The following KCNC2 variants were observed in gnomAD, a reference collection of about 807,000 sequenced individuals.
KCNC2 encodes potassium voltage-gated channel subfamily C member 2.
KCNC2 carries 21 observed loss-of-function variants against 44.5 expected under a neutral mutation model. The ratio of observed to expected loss-of-function variants is 0.47; its 90% CI spans 0.33 to 0.68. KCNC2 has a LOEUF of 0.68. KCNC2 is among the 30% of genes least tolerant of loss of function. The probability of loss-of-function intolerance (pLI) is 0.01; values close to 1 mark genes in which losing one functional copy is unlikely to be tolerated. For synonymous variants in KCNC2, 391 were observed against 339.1 expected (o/e 1.15, Z -1.68); for missense variants, 589 against 826.2 (o/e 0.71, Z 3.52).
At chr12:75,193,647 G>A (rs1051727095) in intron 2 of KCNC2, among the ~76,000 whole-genome samples, 1 of 152,016 alleles carries the variant, frequency 6.6e-6, no homozygotes, top group African/African-American at 2.4e-5. Context: ...AAAGTGCATG[G>A]AGAAAAAGAA....
intron 2 of KCNC2, among the ~76,000 whole-genome samples, chr12:75,115,665 A>G (rs947985468): frequency 2.0e-5 from 3 of 152,176 alleles, no homozygotes; most frequent in African/African-American, 7.2e-5. Flanking sequence ...GGTCACGTCA[A>G]TGCATCTTCT....
chr12:75,093,584 A>T (rs1405036964), intron 2 of KCNC2, among the ~76,000 whole-genome samples: 1 of 151,704 alleles, frequency 6.6e-6, no homozygotes, highest in Non-Finnish European at 1.5e-5. Flanking sequence ...ACATATTAAA[A>T]TTGAAGTACC....
chr12:75,098,121 T>G (rs1362671401), intron 2 of KCNC2, among the ~76,000 whole-genome samples: 5 of 152,148 alleles, frequency 3.3e-5, no homozygotes, highest in Non-Finnish European at 1.5e-5. Context: ...AATCTCTTCC[T>G]AAGTAGATGC....
rs2136903783 is a variant in KCNC2, at chr12:75,041,662, T to C, written c.*1443A>G. On this transcript the variant is annotated 3_prime_UTR_variant, in exon 5 of 5. Transcript: ENST00000549446. ...TGAATATGACTCCCTAAGGATTTTG[T>C]TGGAGTGTAGTAATGAATGCTGGTT... 1 of 1,008,676 alleles carries C rather than the reference T, an allele frequency of 9.9e-7. No individual in the cohort carries two copies. Among genetic ancestry groups the C allele is most frequent in the Middle Eastern group, 5.0e-4 (1 of 1,986 alleles). The allele number at this position is 1,008,676 out of a possible 1,614,324, so 62.5% of individuals were successfully genotyped here.
chr12:75,140,889 C>CA (rs939594738), intron 2 of KCNC2, among the ~76,000 whole-genome samples: 2 of 150,580 alleles, frequency 1.3e-5, no homozygotes, highest in East Asian at 1.9e-4. Flanking sequence ...AAAAAAAAAA[C>CA]AAAAAACAAA....
chr12:75,133,269 T>C (rs1221589549), intron 2 of KCNC2, among the ~76,000 whole-genome samples: 1 of 151,938 alleles, frequency 6.6e-6, no homozygotes, highest in Non-Finnish European at 1.5e-5. Context: ...TATTTCAAAA[T>C]AGCTAAAAGA....
At chr12:75,195,315 G>A (rs2030667493) in intron 2 of KCNC2, among the ~76,000 whole-genome samples, 1 of 151,944 alleles carries the variant, frequency 6.6e-6, no homozygotes, top group African/African-American at 2.4e-5. Context: ...TAAAACCTAT[G>A]AAGTAGCCTT....
chr12:75,177,057 T>TATATATATATATATAC (rs1491339880), intron 2 of KCNC2, among the ~76,000 whole-genome samples: 118 of 127,254 alleles, frequency 9.3e-4, no homozygotes, highest in African/African-American at 3.3e-3. Flanking sequence ...TATATATATA[T>TATATATATATATATAC]ACACACACAC....
At chr12:75,090,826 C>A (rs898350227) in intron 2 of KCNC2, among the ~76,000 whole-genome samples, 2 of 151,582 alleles carry the variant, frequency 1.3e-5, no homozygotes, top group African/African-American at 2.4e-5. Flanking sequence ...CTCTAGCCTC[C>A]AAGTGTCTAA....
intron 2 of KCNC2, among the ~76,000 whole-genome samples, chr12:75,160,029 T>C (rs1300610940): frequency 6.6e-6 from 1 of 151,900 alleles, no homozygotes; most frequent in South Asian, 2.1e-4. Flanking sequence ...GTTACCACTA[T>C]AGGCTGAGTT....
intron 2 of KCNC2, among the ~76,000 whole-genome samples, chr12:75,146,518 T>A (rs1890039345): frequency 6.6e-6 from 1 of 152,218 alleles, no homozygotes; most frequent in Non-Finnish European, 1.5e-5. Context: ...GTTTAGTATA[T>A]GTGTAAACCA....
chr12:75,186,848 A>T (rs1354905868), intron 2 of KCNC2, among the ~76,000 whole-genome samples: 1 of 152,202 alleles, frequency 6.6e-6, no homozygotes, highest in Non-Finnish European at 1.5e-5. Flanking sequence ...AAGCTCAAAA[A>T]CATACAATGT....
intron 2 of KCNC2, among the ~76,000 whole-genome samples, chr12:75,192,417 C>G (rs749508414): frequency 1.3e-5 from 2 of 152,176 alleles, no homozygotes; most frequent in African/African-American, 4.8e-5. Context: ...TTAAAGTACA[C>G]TAATATGTAA....
chr12:75,101,195 G>A (rs1381813404), intron 2 of KCNC2, among the ~76,000 whole-genome samples: 3 of 151,988 alleles, frequency 2.0e-5, no homozygotes, highest in Non-Finnish European at 4.4e-5. Context: ...TTATAACCCA[G>A]GTTCCATATA....
intron 2 of KCNC2, among the ~76,000 whole-genome samples, chr12:75,149,810 A>G (rs1459026868): frequency 6.6e-6 from 1 of 151,924 alleles, no homozygotes; most frequent in African/African-American, 2.4e-5. Context: ...TTAAATTTAG[A>G]CTGAAAAAAT....
At chr12:75,138,627 GAAATTAGA>G (rs1321288957) in intron 2 of KCNC2, among the ~76,000 whole-genome samples, 1 of 152,076 alleles carries the variant, frequency 6.6e-6, no homozygotes, top group Non-Finnish European at 1.5e-5. Flanking sequence ...CTTTGGGCAA[GAAATTAGA>G]AGAAGGAATT....
At chr12:75,146,033 A>G (rs1890004493) in intron 2 of KCNC2, among the ~76,000 whole-genome samples, 1 of 149,396 alleles carries the variant, frequency 6.7e-6, no homozygotes, top group Non-Finnish European at 1.5e-5. Flanking sequence ...TGTTCACTGC[A>G]GGTTCCACCT....
At chr12:75,059,418 A>G (rs1047294571) in intron 2 of KCNC2, among the ~76,000 whole-genome samples, 1 of 152,102 alleles carries the variant, frequency 6.6e-6, no homozygotes, top group Non-Finnish European at 1.5e-5. Context: ...TAGAGGCTAC[A>G]TGACATGTGG....
At chr12:75,116,802 C>G (rs746780450) in intron 2 of KCNC2, among the ~76,000 whole-genome samples, 75 of 152,118 alleles carry the variant, frequency 4.9e-4, no homozygotes, top group Non-Finnish European at 9.6e-4. Context: ...TGACCCTCCT[C>G]CCCCGGGCCA....
Sources: gnomAD v4.1 joint callset for allele counts (sites outside exome capture counted in the v4.1 genomes callset) on GRCh38, gnomAD v4.1.1 for gene constraint, MANE v1.5 for transcripts, NCBI Gene and HGNC (gene_info 2026-07-23, HGNC 2026-07-21) for gene names.